Variants in C10orf90 observed in about 807,000 individuals in gnomAD.
C10orf90 encodes the protein (E2-independent) E3 ubiquitin-conjugating enzyme FATS.
In C10orf90, 56 loss-of-function variants were observed where a neutral mutation model predicts 62.5. That is an observed-to-expected ratio of 0.90 (90% confidence interval 0.72 to 1.12). The LOEUF (loss-of-function observed/expected upper bound fraction) is 1.12. Ranked by LOEUF, C10orf90 falls within the 50% of genes most tolerant of loss-of-function variation. The pLI, the probability that C10orf90 is intolerant of heterozygous loss-of-function variation, is 0.00. For synonymous variants in C10orf90, 386 were observed against 340.4 expected (o/e 1.13, Z -1.47); for missense variants, 970 against 880.4 (o/e 1.10, Z -1.29).
intron 4 of C10orf90, among the ~76,000 whole-genome samples, chr10:126,472,386 A>G (rs1688359912): frequency 6.6e-6 from 1 of 152,222 alleles, no homozygotes; most frequent in Admixed American, 6.5e-5. Flanking sequence ...TATTTCTAGT[A>G]CATTAATATA....
At chr10:126,577,460 T>C (rs2134011405) in intron 2 of C10orf90, among the ~76,000 whole-genome samples, 1 of 151,996 alleles carries the variant, frequency 6.6e-6, no homozygotes, top group East Asian at 1.9e-4. Flanking sequence ...AACCTAGGAA[T>C]AAACCTTACA....
At chr10:126,446,065 C>T (rs887113540) in intron 7 of C10orf90, among the ~76,000 whole-genome samples, 24 of 151,672 alleles carry the variant, frequency 1.6e-4, no homozygotes, top group Non-Finnish European at 2.6e-4. Context: ...ATATACTGCT[C>T]GAGTGATGGG....
At chr10:126,567,297 G>C (rs1447641620) in intron 2 of C10orf90, among the ~76,000 whole-genome samples, 1 of 152,136 alleles carries the variant, frequency 6.6e-6, no homozygotes, top group Non-Finnish European at 1.5e-5. Flanking sequence ...TCTTCACTTG[G>C]CTGGAGCAGG....
chr10:126,612,594 A>G (rs1246342659), intron 2 of C10orf90, among the ~76,000 whole-genome samples: 1 of 152,154 alleles, frequency 6.6e-6, no homozygotes, highest in African/African-American at 2.4e-5. Flanking sequence ...ATGCCAGATA[A>G]AAGGGTGTCT....
Position 126,504,252 on chromosome 10 carries a change from G to A in C10orf90, c.1239C>T (p.Ser413=). The change falls in exon 4 of 10, where the codon AGC becomes AGT. Residue 413 remains serine (S), a synonymous_variant. Transcript: ENST00000488181. The surrounding 1 kb of genome is among the most constrained non-coding windows in gnomAD (Gnocchi z 4.1). ...VDGLVNREPI[S]EALKQELLEG... ...CCAGGAGCTCCTGCTTCAGGGCTTC[G>A]CTTATTGGCTCTCTGTTCACTAGGC... The A allele has an allele frequency of 6.2e-7, 1 of 1,614,154 alleles. No individual in the cohort carries two copies. The highest frequency in any genetic ancestry group is 1.6e-4 in the Middle Eastern group (1 of 6,062).
chr10:126,535,859 C>T (rs1354517013), intron 2 of C10orf90, among the ~76,000 whole-genome samples: 1 of 152,168 alleles, frequency 6.6e-6, no homozygotes, highest in Non-Finnish European at 1.5e-5. Context: ...AGCTCAGGCC[C>T]ACGCTAGGAG....
intron 7 of C10orf90, among the ~76,000 whole-genome samples, chr10:126,457,269 G>A (rs1211047133): frequency 6.6e-6 from 1 of 152,216 alleles, no homozygotes; most frequent in Non-Finnish European, 1.5e-5. Flanking sequence ...GATTACAGGT[G>A]TGAGCCACTG....
At chr10:126,630,558 G>T (rs1045459901) in intron 2 of C10orf90, among the ~76,000 whole-genome samples, 1 of 152,156 alleles carries the variant, frequency 6.6e-6, no homozygotes, top group Non-Finnish European at 1.5e-5. Flanking sequence ...CCGTCTGATA[G>T]ACGCTCCGTG....
At chr10:126,541,285 A>G (rs1864369926) in intron 2 of C10orf90, among the ~76,000 whole-genome samples, 1 of 152,222 alleles carries the variant, frequency 6.6e-6, no homozygotes, top group South Asian at 2.1e-4. Context: ...ACAATGGGAT[A>G]ATATATACTA....
intron 2 of C10orf90, among the ~76,000 whole-genome samples, chr10:126,550,470 T>C (rs1864608389): frequency 6.6e-6 from 1 of 152,104 alleles, no homozygotes; most frequent in Non-Finnish European, 1.5e-5. Flanking sequence ...ATGTTGCCAT[T>C]AGGAGGAAAT....
intron 7 of C10orf90, among the ~76,000 whole-genome samples, chr10:126,447,146 A>C (rs1858835996): frequency 6.6e-6 from 1 of 152,094 alleles, no homozygotes; most frequent in African/African-American, 2.4e-5. Context: ...AGAAAACAAC[A>C]AAATGGCAGC....
chr10:126,470,171 G>C (rs574112775), intron 4 of C10orf90: 1 of 400,960 alleles, frequency 2.5e-6, no homozygotes, highest in African/African-American at 2.0e-5. Context: ...TGCAGAGGGA[G>C]AGAAGGCATT....
At chr10:126,649,082 C>CA (rs1564909192) in intron 1 of C10orf90, among the ~76,000 whole-genome samples, 4 of 119,136 alleles carry the variant, frequency 3.4e-5, no homozygotes, top group African/African-American at 1.3e-4. Flanking sequence ...CCCCCCCCCC[C>CA]AGCAATTCAC....
At chr10:126,548,675 A>T (rs1864561098) in intron 2 of C10orf90, among the ~76,000 whole-genome samples, 1 of 151,794 alleles carries the variant, frequency 6.6e-6, no homozygotes, top group Non-Finnish European at 1.5e-5. Context: ...GCAAGATCCC[A>T]TCTTTACCAA....
intron 2 of C10orf90, among the ~76,000 whole-genome samples, chr10:126,635,759 G>C (rs186095136): frequency 6.6e-6 from 1 of 152,302 alleles, no homozygotes; most frequent in East Asian, 1.9e-4. Context: ...TCCTCCTTCA[G>C]CCAGAGCTCC....
At chr10:126,665,596 C>A (rs890232739) in intron 1 of C10orf90, among the ~76,000 whole-genome samples, 1 of 152,092 alleles carries the variant, frequency 6.6e-6, no homozygotes, top group South Asian at 2.1e-4. Flanking sequence ...ACCAGACAAC[C>A]GCTAGGAAAC....
intron 2 of C10orf90, among the ~76,000 whole-genome samples, chr10:126,620,887 A>G (rs1845631743): frequency 6.6e-6 from 1 of 152,216 alleles, no homozygotes; most frequent in Non-Finnish European, 1.5e-5. Context: ...TAGCTCAACA[A>G]CTATGGATTT....
At chr10:126,473,107 C>T (rs1300333679) in intron 4 of C10orf90, among the ~76,000 whole-genome samples, 1 of 152,162 alleles carries the variant, frequency 6.6e-6, no homozygotes, top group Non-Finnish European at 1.5e-5. Context: ...CTCATGCCTC[C>T]TACATCCAAT....
At chr10:126,503,050 C>T (rs934513428) in intron 4 of C10orf90, among the ~76,000 whole-genome samples, 2 of 152,124 alleles carry the variant, frequency 1.3e-5, no homozygotes, top group African/African-American at 4.8e-5. Flanking sequence ...AATTATGATG[C>T]ATATCCTGCA....
Sources: allele counts gnomAD v4.1 joint callset (sites outside exome capture counted in the v4.1 genomes callset), GRCh38; gene constraint gnomAD v4.1.1; non-coding constraint Gnocchi (gnomAD v3.1); transcripts MANE v1.5; gene names NCBI Gene and HGNC (gene_info 2026-07-23, HGNC 2026-07-21).